The following DIAPH3 variants were observed in gnomAD, a reference collection of about 807,000 sequenced individuals.
DIAPH3 encodes the protein diaphanous related formin 3.
A neutral mutation model predicts 144.3 loss-of-function variants in DIAPH3; 117 were observed. The observed-to-expected ratio is 0.81, with a 90% CI of 0.70 to 0.95. The LOEUF (loss-of-function observed/expected upper bound fraction) is 0.95, where lower values mean the gene tolerates loss of function less well. Among genes scored for constraint, DIAPH3 ranks in the 40% least tolerant of loss-of-function variants. The pLI, the probability that DIAPH3 is intolerant of heterozygous loss-of-function variation, is 0.00. For missense variants in DIAPH3, 1,421 were observed against 1,412.7 expected, an observed-to-expected ratio of 1.01 and a Z score of -0.09; for synonymous variants, 519 against 488.9, an observed-to-expected ratio of 1.06 and a Z score of -0.81.
intron 25 of DIAPH3, among the ~76,000 whole-genome samples, chr13:59,782,960 G>A (rs2038820263): frequency 1.3e-5 from 2 of 152,156 alleles, no homozygotes; most frequent in African/African-American, 4.8e-5. Context: ...TGAAGAGAGA[G>A]CCGGGGCCAA....
chr13:60,116,591 C>CAA (rs139472286), intron 2 of DIAPH3, among the ~76,000 whole-genome samples: 4 of 146,048 alleles, frequency 2.7e-5, no homozygotes, highest in Admixed American at 6.8e-5. Context: ...CACACACATC[C>CAA]AAAAAAAAAA....
chr13:60,058,907 T>C, intron 4 of DIAPH3, among the ~76,000 whole-genome samples: 1 of 151,852 alleles, frequency 6.6e-6, no homozygotes, highest in South Asian at 2.1e-4. Context: ...AAAAATTACC[T>C]TTTGGGTACA....
chr13:59,839,508 A>G, intron 22 of DIAPH3, 60 bp from the exon 23 acceptor site: 1 of 1,519,134 alleles, frequency 6.6e-7, no homozygotes, highest in Non-Finnish European at 9.0e-7. Flanking sequence ...AAAAGGTAAG[A>G]CACCCTAGAA....
chr13:59,708,491 CCTTA>C (rs1483131587), intron 27 of DIAPH3, among the ~76,000 whole-genome samples: 1 of 152,172 alleles, frequency 6.6e-6, no homozygotes, highest in Non-Finnish European at 1.5e-5. Context: ...ACAACTCTGA[CCTTA>C]CTTGATTTCT....
intron 27 of DIAPH3, among the ~76,000 whole-genome samples, chr13:59,715,547 A>G (rs903804966): frequency 1.3e-5 from 2 of 152,200 alleles, no homozygotes; most frequent in African/African-American, 4.8e-5. Flanking sequence ...TAAGGAAGTC[A>G]TGCTGTCCTA....
intron 4 of DIAPH3, among the ~76,000 whole-genome samples, chr13:60,043,189 G>A (rs767199765): frequency 2.0e-5 from 3 of 152,184 alleles, no homozygotes; most frequent in Non-Finnish European, 4.4e-5. Flanking sequence ...TTAGTATTCT[G>A]AGCAGTGTAG....
At chr13:59,778,289 C>A (rs1353894808) in intron 25 of DIAPH3, among the ~76,000 whole-genome samples, 1 of 152,136 alleles carries the variant, frequency 6.6e-6, no homozygotes, top group Non-Finnish European at 1.5e-5. Flanking sequence ...CCAATAAATT[C>A]TTTACAATGT....
At chr13:59,858,359 T>C (rs1326000306) in intron 22 of DIAPH3, among the ~76,000 whole-genome samples, 1 of 152,104 alleles carries the variant, frequency 6.6e-6, no homozygotes, top group African/African-American at 2.4e-5. Context: ...ACACAGACAC[T>C]ACACCTGAAC....
chr13:59,996,938 G>C (rs906526543), intron 9 of DIAPH3, among the ~76,000 whole-genome samples: 15 of 151,994 alleles, frequency 9.9e-5, no homozygotes, highest in African/African-American at 3.4e-4. Flanking sequence ...ATTTCCTTTG[G>C]TACATAATTT....
rs770393466 is a variant in DIAPH3, at chr13:59,970,916, A to C, written c.1895T>G (p.Phe632Cys). 6.8e-6 allele frequency: 11 copies of C among 1,613,938 alleles called. No individual in the cohort carries two copies. Among genetic ancestry groups the C allele is most frequent in the Middle Eastern group, 1.7e-4 (1 of 5,958 alleles). Reference sequence around the variant, plus strand: ...AAATTCTTTCTTTGGTTTCAACCCAAATGGCAGGATTGGTAGAGGAGGAGA... The same window carrying C: ...AAATTCTTTCTTTGGTTTCAACCCACATGGCAGGATTGGTAGAGGAGGAGA... Reference protein sequence around the residue: ...QNSPPLPILPFGLKPKKEFKP... With the variant: ...QNSPPLPILPCGLKPKKEFKP... Residue 632 changes from phenylalanine (F) to cysteine (C), a missense_variant, in exon 16 of 28, where the codon TTT (phenylalanine) becomes TGT (cysteine). By Grantham distance (205) the Phe-to-Cys change is radical (BLOSUM62 -2). Transcript: ENST00000400324.
At chr13:59,917,384 C>T (rs1331771520) in intron 18 of DIAPH3, among the ~76,000 whole-genome samples, 5 of 152,136 alleles carry the variant, frequency 3.3e-5, no homozygotes, top group Non-Finnish European at 5.9e-5. Flanking sequence ...ACAGGATCTA[C>T]TTCTTTTCTG....
intron 17 of DIAPH3, among the ~76,000 whole-genome samples, chr13:59,928,733 G>C (rs991697122): frequency 2.0e-5 from 3 of 152,102 alleles, no homozygotes; most frequent in African/African-American, 4.8e-5. Context: ...TGAAGATGAA[G>C]AGCCAAACCC....
At chr13:59,952,945 G>C (rs1405334498) in intron 17 of DIAPH3, among the ~76,000 whole-genome samples, 1 of 152,162 alleles carries the variant, frequency 6.6e-6, no homozygotes. Context: ...TTTAGTAAAG[G>C]AGCTTAAATT....
In DIAPH3 at chr13:59,924,671, C is replaced by G. The variant is rs950416117; in HGVS notation, c.2170+104G>C. ...TGTGAATTTATCATGCATATAATAA[C>G]AAAATGAAAATAGCAAATAATGAAT... On this transcript the variant is annotated intron_variant, in intron 18 of 27. Transcript: ENST00000400324. 3 of 1,473,044 alleles carry G rather than the reference C, an allele frequency of 2.0e-6. No homozygotes were observed. The African/African-American group carries it at 4.3e-5, about 21-fold the overall frequency. The allele number at this position is 1,473,044 out of a possible 1,614,324, so 91.2% of individuals were successfully genotyped here. A position where few individuals can be genotyped will look rare whatever the true frequency, so the allele number is the denominator to read the frequency against.
rs2049644937 is a variant in DIAPH3 at position 59,959,897 on chromosome 13, T to C, written c.2074+10047A>G. ...TGATTCTTCCTGTCTCTAGCTAAGC[T>C]AAGCTGAAATTGAAGGGAAAACTAG... is the stretch of plus-strand genomic sequence containing the variant. On this transcript the variant is annotated intron_variant, in intron 17 of 27. Coordinates refer to ENST00000400324, the MANE Select transcript of DIAPH3 (RefSeq NM_001042517.2). Among the ~76,000 whole-genome samples the C allele has an allele frequency of 2.0e-5, 3 of 152,226 alleles. No individual in the cohort carries two copies. In the South Asian group the frequency reaches 6.2e-4, roughly 32 times the overall value.
intron 12 of DIAPH3, 35 bp downstream of exon 12, chr13:59,991,123 G>T: frequency 7.5e-7 from 1 of 1,339,546 alleles, no homozygotes; most frequent in Non-Finnish European, 1.1e-6. Context: ...ATTTTTATTA[G>T]TGAAAGAAAA....
At chr13:59,871,436 T>C (rs1467543288) in intron 21 of DIAPH3, among the ~76,000 whole-genome samples, 1 of 152,202 alleles carries the variant, frequency 6.6e-6, no homozygotes, top group Admixed American at 6.5e-5. Context: ...CGATTTTATG[T>C]AGATGTTCTT....
At chr13:60,105,907 T>G (rs1258736159) in intron 3 of DIAPH3, among the ~76,000 whole-genome samples, 1 of 152,150 alleles carries the variant, frequency 6.6e-6, no homozygotes, top group Non-Finnish European at 1.5e-5. Flanking sequence ...TGGTTGACCC[T>G]TAAGATATTC....
intron 20 of DIAPH3, among the ~76,000 whole-genome samples, chr13:59,901,042 C>T (rs114721077): frequency 1.8e-3 from 279 of 152,334 alleles, no homozygotes; most frequent in African/African-American, 6.4e-3. Context: ...TGTCAAACTA[C>T]CACTAATTCA....
Sources: allele counts gnomAD v4.1 joint callset (sites outside exome capture counted in the v4.1 genomes callset), GRCh38; gene constraint gnomAD v4.1.1; transcripts MANE v1.5; gene names NCBI Gene and HGNC (gene_info 2026-07-23, HGNC 2026-07-21).